PSD3: variants seen among roughly 807,000 people sequenced by gnomAD.
The protein encoded by PSD3 is PH and SEC7 domain-containing protein 3.
Under a neutral mutation model 105.5 loss-of-function variants are expected in PSD3, and 49 were observed. The ratio of observed to expected loss-of-function variants is 0.46; its 90% confidence interval spans 0.37 to 0.59. PSD3 has a LOEUF of 0.59. Ranked by LOEUF, PSD3 falls within the 20% of genes least tolerant of loss-of-function variation. The pLI is 0.00. For synonymous variants in PSD3, 557 were observed against 457.8 expected, an observed-to-expected ratio of 1.22 and a Z score of -2.77; for missense variants, 1,561 against 1,263.8, an observed-to-expected ratio of 1.24 and a Z score of -3.57.
chr8:18,847,272 T>G (rs1041857714), intron 4 of PSD3, among the ~76,000 whole-genome samples: 1 of 152,148 alleles, frequency 6.6e-6, no homozygotes, highest in African/African-American at 2.4e-5. Flanking sequence ...AAGGTGCAAT[T>G]GGGGTTTCAA....
chr8:19,028,137 T>G (rs907361855), intron 1 of PSD3, among the ~76,000 whole-genome samples: 1 of 152,142 alleles, frequency 6.6e-6, no homozygotes, highest in African/African-American at 2.4e-5. Context: ...ACATTTAGCT[T>G]TCTGAGCATT....
intron 2 of PSD3, among the ~76,000 whole-genome samples, chr8:18,918,851 C>CCTGGTT (rs1293999992): frequency 6.6e-6 from 1 of 152,096 alleles, no homozygotes; most frequent in East Asian, 1.9e-4. Context: ...TGCCCCTTTC[C>CCTGGTT]CTGGTTCCCA....
chr8:18,782,265 A>C (rs545426925), intron 8 of PSD3, among the ~76,000 whole-genome samples: 11 of 151,968 alleles, frequency 7.2e-5, no homozygotes, highest in African/African-American at 2.7e-4. Context: ...CCTTACATTT[A>C]TATCTATGCA....
At chr8:18,827,939 A>G (rs1426717335) in intron 4 of PSD3, among the ~76,000 whole-genome samples, 4 of 149,716 alleles carry the variant, frequency 2.7e-5, no homozygotes, top group South Asian at 2.1e-4. Context: ...AAAAAAAAAA[A>G]AAGAAGCAAA....
chr8:19,058,741 C>T (rs78815029), intron 1 of PSD3, among the ~76,000 whole-genome samples: 6,158 of 152,132 alleles, frequency 0.04, 395 homozygotes, highest in African/African-American at 0.14. Context: ...AGTGCCAGCT[C>T]CTTATCTAGC....
At chr8:18,684,154 CTGCAAAGAGGAAAAAAA>C (rs1360661896) in intron 9 of PSD3, 1 of 429,974 alleles carries the variant, frequency 2.3e-6, no homozygotes, top group Non-Finnish European at 4.2e-6. Context: ...ACGTCACTGG[CTGCAAAGAGGAAAAAAA>C]TGCAATCCAC....
At chr8:19,064,005 G>T (rs1163771200) in intron 1 of PSD3, among the ~76,000 whole-genome samples, 1 of 152,088 alleles carries the variant, frequency 6.6e-6, no homozygotes, top group East Asian at 1.9e-4. Flanking sequence ...GCCAGGCGTG[G>T]TGGTGCACAC....
At chr8:19,082,490 G>A (rs1829674696) in intron 1 of PSD3, among the ~76,000 whole-genome samples, 1 of 152,194 alleles carries the variant, frequency 6.6e-6, no homozygotes, top group Non-Finnish European at 1.5e-5. Context: ...TCTCAATAAG[G>A]ACTTGGACTT....
At chr8:18,623,478 G>GAAAAGGA (rs1563391185) in intron 11 of PSD3, among the ~76,000 whole-genome samples, 8 of 134,446 alleles carry the variant, frequency 6.0e-5, no homozygotes, top group African/African-American at 2.2e-4. Flanking sequence ...AAAGAAAAAG[G>GAAAAGGA]AAAAAAAAAA....
At chr8:18,554,473 T>C (rs1385604526) in intron 15 of PSD3, among the ~76,000 whole-genome samples, 4 of 152,222 alleles carry the variant, frequency 2.6e-5, no homozygotes, top group East Asian at 3.8e-4. Flanking sequence ...CCAAAATAAA[T>C]AGTTCTCTTA....
At chr8:18,605,863 G>A (rs528511428) in intron 11 of PSD3, among the ~76,000 whole-genome samples, 2 of 152,122 alleles carry the variant, frequency 1.3e-5, no homozygotes, top group African/African-American at 4.8e-5. Context: ...CATGTGAAGT[G>A]GTGCTCCCCC....
intron 9 of PSD3, among the ~76,000 whole-genome samples, chr8:18,749,369 T>C (rs1805290511): frequency 6.6e-6 from 1 of 152,234 alleles, no homozygotes; most frequent in Non-Finnish European, 1.5e-5. Flanking sequence ...AAGGGGCTTT[T>C]CCAGATGCTG....
At chr8:18,645,554 T>C (rs1291462269) in intron 10 of PSD3, among the ~76,000 whole-genome samples, 1 of 152,224 alleles carries the variant, frequency 6.6e-6, no homozygotes, top group East Asian at 1.9e-4. Context: ...TATATAGATT[T>C]AACCTTAGTT....
chr8:18,790,720 A>G (rs576723693), intron 8 of PSD3, among the ~76,000 whole-genome samples: 22 of 152,096 alleles, frequency 1.4e-4, no homozygotes, highest in African/African-American at 5.3e-4. Context: ...CCCCACTAGA[A>G]ACCCTCTGCA....
intron 1 of PSD3, among the ~76,000 whole-genome samples, chr8:18,995,045 C>T (rs977395630): frequency 6.6e-6 from 1 of 152,000 alleles, no homozygotes; most frequent in Non-Finnish European, 1.5e-5. Context: ...CACAAGCTGA[C>T]AAAATTTATT....
At chr8:18,779,699 G>A (rs947703503) in intron 8 of PSD3, among the ~76,000 whole-genome samples, 1 of 152,008 alleles carries the variant, frequency 6.6e-6, no homozygotes, top group Admixed American at 6.6e-5. Context: ...ATCCAGTGAT[G>A]GCTCATAATT....
chr8:18,876,637 G>A (rs1337978949), intron 2 of PSD3, among the ~76,000 whole-genome samples: 1 of 152,044 alleles, frequency 6.6e-6, no homozygotes, highest in East Asian at 1.9e-4. Flanking sequence ...TGGGCTCAAA[G>A]GATACGCCTG....
intron 2 of PSD3, among the ~76,000 whole-genome samples, chr8:18,916,377 C>CA (rs35084673): frequency 1.6e-4 from 7 of 42,508 alleles, no homozygotes; most frequent in Middle Eastern, 0.012. Flanking sequence ...CACACACACA[C>CA]AAACAGAATA....
chr8:18,544,800 A>AT (rs1198589335), intron 15 of PSD3, among the ~76,000 whole-genome samples: 1 of 152,142 alleles, frequency 6.6e-6, no homozygotes, highest in African/African-American at 2.4e-5. Flanking sequence ...GGAAGCTCTC[A>AT]TAGGAATCTG....
Sources: gnomAD v4.1 joint callset for allele counts (sites outside exome capture counted in the v4.1 genomes callset) on GRCh38, gnomAD v4.1.1 for gene constraint, MANE v1.5 for transcripts, NCBI Gene and HGNC (gene_info 2026-07-23, HGNC 2026-07-21) for gene names.